Variants in ARL15 observed in about 807,000 individuals in gnomAD.
The protein encoded by ARL15 is ARF like GTPase 15, also known as ADP-ribosylation factor-like protein 15.
Under a neutral mutation model 25.2 loss-of-function variants are expected in ARL15, and 19 were observed. The observed-to-expected ratio is 0.75, with a 90% CI of 0.53 to 1.10. ARL15 has a LOEUF of 1.10. ARL15 is among the 50% of genes least tolerant of loss of function. The probability of loss-of-function intolerance (pLI) is 0.00; values close to 1 mark genes in which losing one functional copy is unlikely to be tolerated. For synonymous variants in ARL15, 94 were observed against 86.8 expected, an observed-to-expected ratio of 1.08 and a Z score of -0.46; for missense variants, 220 against 246.0, an observed-to-expected ratio of 0.89 and a Z score of 0.71.
chr5:54,183,126 T>C (rs1285098565), intron 1 of ARL15, among the ~76,000 whole-genome samples: 2 of 122,200 alleles, frequency 1.6e-5, no homozygotes, highest in Non-Finnish European at 3.7e-5. Context: ...CTTTTCCTAA[T>C]TGAATACCCG....
At chr5:54,298,022 C>T (rs1758511863) in intron 1 of ARL15, among the ~76,000 whole-genome samples, 1 of 152,146 alleles carries the variant, frequency 6.6e-6, no homozygotes, top group Non-Finnish European at 1.5e-5. Context: ...ACCTCGTGAT[C>T]CGCCCGCCTC....
chr5:53,895,047 T>C (rs1485861067), intron 4 of ARL15, among the ~76,000 whole-genome samples: 5 of 152,272 alleles, frequency 3.3e-5, no homozygotes, highest in South Asian at 2.1e-4. Flanking sequence ...GCCACAGAGA[T>C]GGTATGTCCC....
intron 4 of ARL15, among the ~76,000 whole-genome samples, chr5:54,102,854 A>G (rs1243417822): frequency 3.3e-5 from 5 of 152,222 alleles, no homozygotes; most frequent in Admixed American, 2.6e-4. Flanking sequence ...TGCTAAAATT[A>G]TATTGTTCTA....
At chr5:54,117,394 C>CACACACACAT (rs1554041370) in intron 3 of ARL15, among the ~76,000 whole-genome samples, 10 of 151,520 alleles carry the variant, frequency 6.6e-5, no homozygotes, top group Non-Finnish European at 1.0e-4. Flanking sequence ...CACACACACA[C>CACACACACAT]ACACACACAC....
At chr5:54,264,068 C>T (rs555508849) in intron 1 of ARL15, among the ~76,000 whole-genome samples, 1 of 152,186 alleles carries the variant, frequency 6.6e-6, no homozygotes, top group South Asian at 2.1e-4. Context: ...CTTTTCATTC[C>T]CTGTACCATT....
intron 4 of ARL15, among the ~76,000 whole-genome samples, chr5:54,109,213 T>C (rs1752669556): frequency 6.6e-6 from 1 of 152,004 alleles, no homozygotes. Flanking sequence ...ATAGAGCCAT[T>C]CAACCTTATA....
chr5:53,942,619 G>A (rs1184490502), intron 4 of ARL15, among the ~76,000 whole-genome samples: 5 of 152,228 alleles, frequency 3.3e-5, no homozygotes, highest in East Asian at 1.9e-4. Context: ...GGTGGCATGC[G>A]CCTGTAATCC....
intron 4 of ARL15, among the ~76,000 whole-genome samples, chr5:53,983,505 A>G (rs1748191791): frequency 1.3e-5 from 2 of 152,192 alleles, no homozygotes; most frequent in Admixed American, 6.5e-5. Flanking sequence ...TCAGCCTTCC[A>G]TTCTCTAAAA....
chr5:54,104,297 A>C (rs939487589), intron 4 of ARL15, among the ~76,000 whole-genome samples: 1 of 152,142 alleles, frequency 6.6e-6, no homozygotes, highest in South Asian at 2.1e-4. Flanking sequence ...TTTATTACTT[A>C]ATTTGCAATA....
chr5:54,100,155 A>G (rs1752396397), intron 4 of ARL15, among the ~76,000 whole-genome samples: 1 of 152,158 alleles, frequency 6.6e-6, no homozygotes. Context: ...ATTTTTTAAA[A>G]AGCTGTAAGG....
At chr5:53,989,615 C>T (rs200295661) in intron 4 of ARL15, among the ~76,000 whole-genome samples, 1 of 151,664 alleles carries the variant, frequency 6.6e-6, no homozygotes, top group Non-Finnish European at 1.5e-5. Flanking sequence ...GTGTGTGTAT[C>T]CCCTTGTTTG....
intron 1 of ARL15, among the ~76,000 whole-genome samples, chr5:54,190,296 G>A (rs1366764844): frequency 3.3e-5 from 5 of 152,074 alleles, no homozygotes. Flanking sequence ...AGGAGGCTGA[G>A]GCAGAAGAAT....
intron 1 of ARL15, among the ~76,000 whole-genome samples, chr5:54,263,611 G>A (rs966173016): frequency 6.6e-6 from 1 of 152,090 alleles, no homozygotes; most frequent in African/African-American, 2.4e-5. Flanking sequence ...GAACCAATGA[G>A]GCCAAAAGGG....
chr5:54,308,548 C>G (rs1758817867), intron 1 of ARL15, among the ~76,000 whole-genome samples: 1 of 152,062 alleles, frequency 6.6e-6, no homozygotes. Flanking sequence ...AACTTGAGCC[C>G]AGGTAAAACA....
chr5:54,049,851 C>A (rs1046178430), intron 4 of ARL15, among the ~76,000 whole-genome samples: 3 of 152,120 alleles, frequency 2.0e-5, no homozygotes, highest in Non-Finnish European at 4.4e-5. Flanking sequence ...GGATTACAGG[C>A]ATGAGCCACG....
chr5:54,097,092 G>A (rs1752311256), intron 4 of ARL15, among the ~76,000 whole-genome samples: 1 of 151,988 alleles, frequency 6.6e-6, no homozygotes, highest in African/African-American at 2.4e-5. Flanking sequence ...CGGGCACAGT[G>A]GCTCATGAGG....
chr5:53,953,858 C>T (rs1396838627), intron 4 of ARL15, among the ~76,000 whole-genome samples: 1 of 151,874 alleles, frequency 6.6e-6, no homozygotes. Flanking sequence ...ATGTAGGAGC[C>T]TTACGCTTTA....
At chr5:54,105,417 G>A (rs1023701452) in intron 4 of ARL15, among the ~76,000 whole-genome samples, 5 of 151,986 alleles carry the variant, frequency 3.3e-5, no homozygotes, top group Non-Finnish European at 5.9e-5. Flanking sequence ...TTAGAAAGTA[G>A]CCAAATAATA....
intron 1 of ARL15, among the ~76,000 whole-genome samples, chr5:54,236,671 T>C (rs971881904): frequency 1.3e-5 from 2 of 152,246 alleles, no homozygotes; most frequent in African/African-American, 4.8e-5. Context: ...CTTTATAATG[T>C]GCCAGTGTTT....
Sources: gnomAD v4.1 joint callset for allele counts (sites outside exome capture counted in the v4.1 genomes callset) on GRCh38, gnomAD v4.1.1 for gene constraint, MANE v1.5 for transcripts, NCBI Gene and HGNC (gene_info 2026-07-23, HGNC 2026-07-21) for gene names.